The following DNAI4 variants were observed in gnomAD, a reference collection of about 807,000 sequenced individuals.
DNAI4 encodes WD repeat domain 78.
A neutral mutation model predicts 105.8 loss-of-function variants in DNAI4; 85 were observed. The observed-to-expected ratio is 0.80, with a 90% CI of 0.67 to 0.96. The LOEUF (loss-of-function observed/expected upper bound fraction) is 0.96. Ranked by LOEUF, DNAI4 falls within the 40% of genes least tolerant of loss-of-function variation. DNAI4 has a pLI of 0.00. For missense variants in DNAI4, 1,014 were observed against 1,005.6 expected (o/e 1.01, Z -0.11); for synonymous variants, 352 against 331.5 (o/e 1.06, Z -0.67).
At chr1:66,852,997 T>C (rs756936981) in intron 7 of DNAI4, among the ~76,000 whole-genome samples, 96 of 152,228 alleles carry the variant, frequency 6.3e-4, no homozygotes, top group Non-Finnish European at 1.1e-3. Flanking sequence ...CTCAGTCAAG[T>C]AGCTAAAGCC....
chr1:66,850,126 T>A (rs1646365000), intron 7 of DNAI4, among the ~76,000 whole-genome samples: 1 of 133,498 alleles, frequency 7.5e-6, no homozygotes. Context: ...TACTAAAATT[T>A]CTAAAAACAG....
In DNAI4 at chr1:66,837,779, G is replaced by A. The variant is rs1646061377; in HGVS notation, c.1512C>T (p.Gly504=). ...GCTCTTTAAATCCAAAGTGCCCATA[G>A]CCAACAGCCAAAAGATCCTGAAAAC... ...NKTNPDLLAV[G]YGHFGFKEQK... is the part of the protein sequence containing the mutation. The change falls in exon 10 of 17, where the codon GGC becomes GGT. Residue 504 remains glycine (G), a synonymous_variant. Transcript: ENST00000371026. The A allele has an allele frequency of 1.2e-6, 2 of 1,604,004 alleles. No individual in the cohort carries two copies. The highest frequency in any genetic ancestry group is 1.7e-6 in the Non-Finnish European group (2 of 1,177,310).
At chr1:66,885,919 C>T (rs1190561807) in intron 4 of DNAI4, among the ~76,000 whole-genome samples, 1 of 152,098 alleles carries the variant, frequency 6.6e-6, no homozygotes, top group Non-Finnish European at 1.5e-5. Flanking sequence ...TTGGAATGTT[C>T]TCAACAAGTA....
chr1:66,889,493 A>C (rs1174367628), intron 4 of DNAI4, among the ~76,000 whole-genome samples: 1 of 152,226 alleles, frequency 6.6e-6, no homozygotes, highest in East Asian at 1.9e-4. Flanking sequence ...GCCAAAAGCT[A>C]TCTCTTCTTT....
intron 16 of DNAI4, among the ~76,000 whole-genome samples, chr1:66,815,931 C>A (rs1288871685): frequency 6.6e-6 from 1 of 152,168 alleles, no homozygotes; most frequent in Non-Finnish European, 1.5e-5. Context: ...TGGAGCCAAC[C>A]TTTGGCCATA....
intron 4 of DNAI4, 117 bp downstream of exon 4, chr1:66,891,037 C>T (rs1052969992): frequency 1.2e-6 from 1 of 857,470 alleles, no homozygotes; most frequent in Non-Finnish European, 1.9e-6. Flanking sequence ...AGCGACTTCA[C>T]AAGCCAGCAT....
At chr1:66,913,936 G>A (rs1422047228) in intron 1 of DNAI4, among the ~76,000 whole-genome samples, 4 of 149,966 alleles carry the variant, frequency 2.7e-5, no homozygotes, top group Non-Finnish European at 5.9e-5. Context: ...GTGAGCCTAG[G>A]TCGCGCCACT....
rs766347811 is a variant in DNAI4 at position 66,837,715 on chromosome 1, G to T, written c.1576C>A (p.Pro526Thr). 9 of 1,607,620 alleles carry T rather than the reference G, an allele frequency of 5.6e-6. No individual in the cohort carries two copies. In the African/African-American group the frequency reaches 8.0e-5, roughly 14 times the overall value. ...GLACCWSIKN[P>T]MWPERIYQSP... ...CTTATTCTTGTTTGGGTTACCATGG[G>T]ATTCTTTATTGACCAGCAGCAAGCC... The change falls in exon 10 of 17, where the codon CCC becomes ACC. Residue 526 changes from proline (P) to threonine (T), a missense_variant. Coordinates refer to ENST00000371026, the MANE Select transcript of DNAI4 (RefSeq NM_024763.5).
rs996069258 is a variant in DNAI4 at position 66,827,496 on chromosome 1, A to T, written c.2112+316T>A. Reference sequence around the variant, plus strand: ...ACAGTGAGACCCATCTCTTAAAAAAAACATTAAAAAAAATAAGCTATAGAG... The same window carrying T: ...ACAGTGAGACCCATCTCTTAAAAAATACATTAAAAAAAATAAGCTATAGAG... On this transcript the variant is annotated intron_variant, in intron 14 of 16. Transcript: ENST00000371026. 8.5e-5 allele frequency among the ~76,000 whole-genome samples: 13 copies of T among 152,188 alleles called. No homozygotes were observed. The East Asian group carries it at 2.5e-3, about 29-fold the overall frequency.
intron 1 of DNAI4, 102 bp from the exon 2 acceptor site, chr1:66,905,477 C>T (rs967632403): frequency 1.5e-6 from 1 of 675,860 alleles, no homozygotes; most frequent in Non-Finnish European, 2.2e-6. Flanking sequence ...TGTGAACAAT[C>T]TAAACATATA....
In DNAI4 at chr1:66,835,768, G is replaced by A. The variant is rs144510256; in HGVS notation, c.1591C>T (p.Arg531Cys). Residue 531 changes from arginine to cysteine, a missense_variant, in exon 11 of 17, where the codon CGT becomes TGT. Physicochemically the swap from Arg to Cys is radical, Grantham distance 180. Coordinates refer to ENST00000371026, the MANE Select transcript of DNAI4 (RefSeq NM_024763.5). ...ACTCCATATGGACTCTGATAAATAC[G>A]TTCTGGCCACTAAATTTTAAAAAAT... ...WSIKNPMWPE[R>C]IYQSPYGVTA... The A allele has an allele frequency of 4.8e-5, 77 of 1,613,632 alleles. No individual in the cohort carries two copies. Among genetic ancestry groups the A allele is most frequent in the Non-Finnish European group, 6.0e-5 (71 of 1,179,842 alleles).
At chr1:66,922,774 G>A (rs905417541) in intron 1 of DNAI4, among the ~76,000 whole-genome samples, 2 of 152,214 alleles carry the variant, frequency 1.3e-5, no homozygotes, top group African/African-American at 4.8e-5. Context: ...TTACTAAAAT[G>A]AGAAAGATTG....
chr1:66,900,479 C>T (rs1648720518), intron 2 of DNAI4, among the ~76,000 whole-genome samples: 1 of 152,152 alleles, frequency 6.6e-6, no homozygotes, highest in Admixed American at 6.5e-5. Flanking sequence ...GTTAAGTTTA[C>T]AGATCAGTTT....
chr1:66,919,189 C>T (rs1425314359), intron 1 of DNAI4: 2 of 394,582 alleles, frequency 5.1e-6, no homozygotes, highest in African/African-American at 2.1e-5. Context: ...GGGGCTGTAT[C>T]ACGGGTACAC....
At chr1:66,914,935 A>G (rs142881191) in intron 1 of DNAI4, among the ~76,000 whole-genome samples, 1 of 152,230 alleles carries the variant, frequency 6.6e-6, no homozygotes, top group Non-Finnish European at 1.5e-5. Context: ...AAAATCTTTA[A>G]TAAATAAGCT....
intron 16 of DNAI4, among the ~76,000 whole-genome samples, chr1:66,817,597 G>A (rs773814112): frequency 7.2e-5 from 11 of 151,764 alleles, no homozygotes; most frequent in South Asian, 2.1e-4. Context: ...AAAAAAAAAC[G>A]GATAGAATCT....
chr1:66,843,371 A>T (rs1646196226), intron 8 of DNAI4, among the ~76,000 whole-genome samples: 1 of 151,908 alleles, frequency 6.6e-6, no homozygotes, highest in African/African-American at 2.4e-5. Flanking sequence ...TGCCCATTTT[A>T]ATCATGTTGT....
At chr1:66,825,757 T>C (rs1375015840) in intron 15 of DNAI4, among the ~76,000 whole-genome samples, 1 of 152,218 alleles carries the variant, frequency 6.6e-6, no homozygotes, top group Non-Finnish European at 1.5e-5. Flanking sequence ...TGATTTGTAA[T>C]CCTTGGTTCA....
chr1:66,900,890 TTTC>T (rs753232437), intron 2 of DNAI4, among the ~76,000 whole-genome samples: 1 of 152,222 alleles, frequency 6.6e-6, no homozygotes. Context: ...TTTATTTCTT[TTTC>T]TTGTCTAATT....
Sources: gnomAD v4.1 joint callset for allele counts (sites outside exome capture counted in the v4.1 genomes callset) on GRCh38, gnomAD v4.1.1 for gene constraint, MANE v1.5 for transcripts, NCBI Gene and HGNC (gene_info 2026-07-23, HGNC 2026-07-21) for gene names.